Variants in DHX15 observed in about 807,000 individuals in gnomAD.
DHX15 encodes the protein ATP-dependent RNA helicase DHX15.
Under a neutral mutation model 94.4 loss-of-function variants are expected in DHX15, and 11 were observed. The ratio of observed to expected loss-of-function variants is 0.12; its 90% CI spans 0.07 to 0.19. The LOEUF is 0.19. Among genes scored for constraint, DHX15 ranks in the 10% least tolerant of loss-of-function variants. The pLI is 1.00. For synonymous variants in DHX15, 338 were observed against 329.9 expected, an observed-to-expected ratio of 1.02 and a Z score of -0.27; for missense variants, 304 against 988.5, an observed-to-expected ratio of 0.31 and a Z score of 9.29.
chr4:24,551,308 G>GT (rs1721599571), intron 5 of DHX15, among the ~76,000 whole-genome samples: 1 of 150,668 alleles, frequency 6.6e-6, no homozygotes, highest in Non-Finnish European at 1.5e-5. Context: ...AACAAAGTGC[G>GT]TGTTTTTTTC....
In DHX15 at chr4:24,540,199, A is replaced by G. The variant is rs767558812; in HGVS notation, c.1695T>C (p.Phe565=). ...LTELGSMMAE[F]PLDPQLAKMV... is the part of the protein sequence containing the mutation. ...TTTTTGCGAGCTGTGGATCTAGAGG[A>G]AACTCTGCCATCATGGATCCCAATT... The change falls in exon 10 of 14, where the codon TTT becomes TTC. Residue 565 remains phenylalanine, a synonymous_variant. Transcript: ENST00000336812. The G allele has an allele frequency of 1.9e-6, 3 of 1,613,390 alleles. No homozygotes were observed. The highest frequency in any genetic ancestry group is 2.7e-5 in the African/African-American group (2 of 74,856).
intron 2 of DHX15, among the ~76,000 whole-genome samples, chr4:24,571,823 G>T (rs1037377470): frequency 6.6e-6 from 1 of 152,170 alleles, no homozygotes; most frequent in African/African-American, 2.4e-5. Flanking sequence ...GGGGTAACTT[G>T]TCACTAACAA....
intron 1 of DHX15, among the ~76,000 whole-genome samples, chr4:24,579,005 C>G (rs1722346193): frequency 1.3e-5 from 2 of 152,248 alleles, no homozygotes; most frequent in South Asian, 4.1e-4. Flanking sequence ...CCTATACTAA[C>G]AAAGATTTTT....
chr4:24,538,787 A>G (rs1721248228), intron 10 of DHX15: 1 of 152,168 alleles, frequency 6.6e-6, no homozygotes, highest in South Asian at 2.1e-4. Context: ...GATTACAACT[A>G]CATCACAACA....
intron 3 of DHX15, among the ~76,000 whole-genome samples, chr4:24,569,436 C>T (rs1722068181): frequency 6.6e-6 from 1 of 151,778 alleles, no homozygotes; most frequent in African/African-American, 2.4e-5. Flanking sequence ...ACTAAAGATA[C>T]AAAAAGTTAG....
intron 10 of DHX15, chr4:24,538,740 T>C (rs1721246813): frequency 6.6e-6 from 1 of 152,028 alleles, no homozygotes; most frequent in Admixed American, 6.6e-5. Context: ...AAAATAAGTT[T>C]TTTTTAATTA....
rs1054610776 is a variant in DHX15, at chr4:24,541,736, T to C, written c.1485+137A>G. The C allele has an allele frequency of 9.4e-6, 8 of 853,336 alleles. No homozygotes were observed. The African/African-American group carries it at 1.2e-4, about 13-fold the overall frequency. The allele number at this position is 853,336 out of a possible 1,614,324, so 52.9% of individuals were successfully genotyped here. Reference sequence around the variant, plus strand: ...ACGACTATCTAAGTTAATTACACCATACATTTCACTCCTGGAAAAGCTAAG... The same window carrying C: ...ACGACTATCTAAGTTAATTACACCACACATTTCACTCCTGGAAAAGCTAAG... On this transcript the variant is annotated intron_variant, in intron 8 of 13. Coordinates refer to ENST00000336812, the MANE Select transcript of DHX15 (RefSeq NM_001358.3).
intron 4 of DHX15, among the ~76,000 whole-genome samples, chr4:24,555,559 C>CTTGTTTGT (rs200546342): frequency 3.3e-5 from 5 of 152,072 alleles, no homozygotes; most frequent in Admixed American, 3.3e-4. Context: ...GTGTTGAACC[C>CTTGTTTGT]TTGTTTGTTT....
chr4:24,583,872 C>A (rs981102458), intron 1 of DHX15, among the ~76,000 whole-genome samples: 3 of 152,214 alleles, frequency 2.0e-5, no homozygotes, highest in Non-Finnish European at 4.4e-5. Flanking sequence ...GCCGCGCCCC[C>A]ACCCAGGCCC....
Position 24,554,773 on chromosome 4 carries a change from C to T in DHX15, c.1032G>A (p.Met344Ile). 1 of 1,613,784 alleles carries T rather than the reference C, an allele frequency of 6.2e-7. No individual in the cohort carries two copies. Among genetic ancestry groups the T allele is most frequent in the Non-Finnish European group, 8.5e-7 (1 of 1,179,904 alleles). ...GAAGATCTCCCTCTTCCTCTTCACA[C>T]ATATGAATCTGGATAACTGTTCGAA... ...AAIRTVIQIH[M>I]CEEEEGDLLL... Residue 344 changes from methionine (M) to isoleucine (I), a missense_variant, in exon 5 of 14, where the codon ATG becomes ATA. This residue lies in a region of DHX15 where 40 missense variants were observed against 107.1 expected (regional missense o/e 0.37). Transcript: ENST00000336812.
rs11379820 is a variant in DHX15, at chr4:24,555,307, C to CAA, written c.862-366_862-365dup. Among the ~76,000 whole-genome samples the CAA allele has an allele frequency of 4.8e-3, 666 of 139,726 alleles. 4 individuals carry two copies. Among genetic ancestry groups the CAA allele is most frequent in the African/African-American group, 0.014 (528 of 36,500 alleles). 91.7% of individuals were successfully genotyped at this position (139,726 alleles called of 152,430 possible). On this transcript the variant is annotated intron_variant, in intron 4 of 13. Transcript: ENST00000336812. ...TGCAAATAGGAAAAAACAGAAAATG[C>CAA]AAAAAAAAAAAATAAGTGGACCAGA...
At chr4:24,560,589 T>C (rs1290492721) in intron 3 of DHX15, among the ~76,000 whole-genome samples, 1 of 152,164 alleles carries the variant, frequency 6.6e-6, no homozygotes, top group Non-Finnish European at 1.5e-5. Flanking sequence ...AATTCTGTTA[T>C]AAGCTCCTAC....
chr4:24,539,692 C>T (rs1281672134), intron 10 of DHX15: 1 of 152,682 alleles, frequency 6.5e-6, no homozygotes, highest in Non-Finnish European at 1.5e-5. Context: ...AGAAAAGGCT[C>T]AACTTAATGT....
At chr4:24,552,130 C>T (rs1396811353) in intron 5 of DHX15, among the ~76,000 whole-genome samples, 4 of 152,132 alleles carry the variant, frequency 2.6e-5, no homozygotes, top group African/African-American at 9.7e-5. Flanking sequence ...GAGAATGCCA[C>T]AAAACTTATC....
At chr4:24,544,049 T>C (rs1024245937) in intron 6 of DHX15, among the ~76,000 whole-genome samples, 1 of 152,074 alleles carries the variant, frequency 6.6e-6, no homozygotes, top group Non-Finnish European at 1.5e-5. Flanking sequence ...ATAATAGCAT[T>C]TAGGACAGTC....
At chr4:24,564,742 T>C (rs78396584) in intron 3 of DHX15, among the ~76,000 whole-genome samples, 3 of 152,300 alleles carry the variant, frequency 2.0e-5, no homozygotes, top group Admixed American at 6.5e-5. Context: ...GTAATCACAA[T>C]AGCACTACAT....
At chr4:24,579,713 G>A (rs1471499380) in intron 1 of DHX15, among the ~76,000 whole-genome samples, 1 of 152,206 alleles carries the variant, frequency 6.6e-6, no homozygotes, top group Non-Finnish European at 1.5e-5. Context: ...TATATGTGAT[G>A]TGCTTTAAGT....
intron 12 of DHX15, 74 bp from the exon 13 acceptor site, chr4:24,529,844 G>A: frequency 1.4e-6 from 2 of 1,412,274 alleles, no homozygotes; most frequent in Non-Finnish European, 2.0e-6. Flanking sequence ...TACATAATTA[G>A]GAAGAGGCAG....
At chr4:24,530,718 TTC>T (rs1721066140) in intron 12 of DHX15, 1 of 152,158 alleles carries the variant, frequency 6.6e-6, no homozygotes, top group African/African-American at 2.4e-5. Context: ...TCCCTCTCAT[TTC>T]TTTTTTTGGT....
Sources: allele counts gnomAD v4.1 joint callset (sites outside exome capture counted in the v4.1 genomes callset), GRCh38; gene constraint gnomAD v4.1.1; regional missense constraint gnomAD v4.1.1; transcripts MANE v1.5; gene names NCBI Gene and HGNC (gene_info 2026-07-23, HGNC 2026-07-21).